The following MYO1C variants were observed in gnomAD, a reference collection of about 807,000 sequenced individuals.
MYO1C encodes unconventional myosin-Ic.
MYO1C carries 104 observed loss-of-function variants against 150.8 expected under a neutral mutation model. The ratio of observed to expected loss-of-function variants is 0.69; its 90% CI spans 0.59 to 0.81. The LOEUF (loss-of-function observed/expected upper bound fraction) is 0.81. MYO1C is among the 30% of genes least tolerant of loss of function. MYO1C has a pLI of 0.00. For synonymous variants in MYO1C, 663 were observed against 579.9 expected, an observed-to-expected ratio of 1.14 and a Z score of -2.06; for missense variants, 1,504 against 1,435.0, an observed-to-expected ratio of 1.05 and a Z score of -0.78.
intron 4 of MYO1C, 120 bp from the exon 5 acceptor site, chr17:1,482,678 T>A: frequency 2.5e-6 from 1 of 403,242 alleles, no homozygotes; most frequent in Non-Finnish European, 4.0e-6. Flanking sequence ...GCCCCTCCCC[T>A]CCCCTCCCGC....
intron 5 of MYO1C, among the ~76,000 whole-genome samples, chr17:1,482,063 T>TA (rs749826080): frequency 7.9e-5 from 12 of 152,090 alleles, no homozygotes; most frequent in Non-Finnish European, 1.6e-4. Context: ...CTATTTTTTT[T>TA]AGAGACAGGG....
intron 17 of MYO1C, among the ~76,000 whole-genome samples, chr17:1,473,655 G>T (rs111469318): frequency 0.068 from 10,419 of 152,108 alleles, 552 homozygotes; most frequent in African/African-American, 0.13. Flanking sequence ...CAGCTCGCTG[G>T]AGCCCTCCCT....
chr17:1,490,689 G>A (rs77478392), intron 1 of MYO1C, among the ~76,000 whole-genome samples: 8,572 of 152,080 alleles, frequency 0.056, 285 homozygotes, highest in Non-Finnish European at 0.073. Context: ...CCATATGCCA[G>A]GCCCATGATT....
chr17:1,472,821 T>A (rs1306755751), intron 17 of MYO1C, among the ~76,000 whole-genome samples: 3 of 149,212 alleles, frequency 2.0e-5, no homozygotes, highest in Non-Finnish European at 4.4e-5. Context: ...GCGGGTGAAG[T>A]GGCTACAGGG....
chr17:1,470,452 C>T lies in MYO1C; in HGVS notation c.2349G>A (p.Ala783=), dbSNP rs371862154. Residue 783 remains alanine, a synonymous_variant, in exon 23 of 32, where the codon GCG becomes GCA. Transcript: ENST00000648651. ...GRRKAAKRKW[A]AQTIRRLIRG... ...GCGCTCACCGCCGGATGGTCTGTGC[C>T]GCCCACTTCCTCTTGGCTGCCTTCC... 424 of 1,550,582 alleles carry T rather than the reference C, an allele frequency of 2.7e-4. 2 individuals are homozygous for T. Among genetic ancestry groups the T allele is most frequent in the South Asian group, 6.3e-4 (53 of 84,094 alleles).
rs781737062 is a variant in MYO1C at position 1,472,040 on chromosome 17, C to G, written c.1904-16G>C. On this transcript the variant is annotated splice_polypyrimidine_tract_variant and intron_variant, in intron 18 of 31. Coordinates refer to ENST00000648651, the MANE Select transcript of MYO1C (RefSeq NM_001080779.2). ...TCAAAGCGGCCTGGGGTAGGGGGAG[C>G]GCCGTGGTCAGCGGGCTGGCGCTGA... The G allele has an allele frequency of 6.2e-7, 1 of 1,613,618 alleles. No homozygotes were observed. The highest frequency in any genetic ancestry group is 8.5e-7 in the Non-Finnish European group (1 of 1,179,746).
rs869242496 is a variant in MYO1C at position 1,474,427 on chromosome 17, CAAAAA to C, written c.1797+178_1797+182del. Among the ~76,000 whole-genome samples, 10 of 85,718 alleles carry C rather than the reference CAAAAA, an allele frequency of 1.2e-4. No individual in the cohort carries two copies. The East Asian group carries it at 2.6e-3, about 23-fold the overall frequency. The allele number at this position is 85,718 out of a possible 152,430, so 56.2% of individuals were successfully genotyped here. ...TGGGCAACAGAGCGAGACCCTGTCT[CAAAAA>C]AAAAAAAAAAAAAAAAAAGTAGGCA... On this transcript the variant is annotated intron_variant, in intron 17 of 31. Transcript: ENST00000648651.
chr17:1,483,644 G>C lies in MYO1C; in HGVS notation c.313C>G (p.Arg105Gly), dbSNP rs781471499. The change falls in exon 3 of 32, where the codon CGT becomes GGT. Residue 105 changes from arginine to glycine, a missense_variant. Transcript: ENST00000648651. Reference protein sequence around the residue: ...IYSRQHMERYRGVSFYEVPPH... With the variant: ...IYSRQHMERYGGVSFYEVPPH... ...GGCACTTCATAGAAGCTGACGCCAC[G>C]GTAACGCTCCATATGCTGCCGGCTG... 1.9e-6 allele frequency: 3 copies of C among 1,612,600 alleles called. No homozygotes were observed. The highest frequency in any genetic ancestry group is 2.5e-6 in the Non-Finnish European group (3 of 1,179,604).
chr17:1,492,350 G>C, intron 1 of MYO1C, 63 bp downstream of exon 1: 2 of 1,517,624 alleles, frequency 1.3e-6, no homozygotes, highest in Non-Finnish European at 1.8e-6. Flanking sequence ...TCGCCTGAGA[G>C]GGGCTGCCCG....
chr17:1,480,536 A>C lies in MYO1C; in HGVS notation c.897T>G (p.Asp299Glu). 6.2e-7 allele frequency: 1 copy of C among 1,613,906 alleles called. No individual in the cohort carries two copies. The highest frequency in any genetic ancestry group is 1.7e-4 in the Middle Eastern group (1 of 6,052). Reference sequence around the variant, plus strand: ...CCGGAAGAGGCCTCACCTCCACTTCATCCTCGGTGAAATCAATGACTGTCA... The same window carrying C: ...CCGGAAGAGGCCTCACCTCCACTTCCTCCTCGGTGAAATCAATGACTGTCA... ...KALTVIDFTEDEVEDLLSIVA... is the reference protein window; with the variant it reads ...KALTVIDFTEEEVEDLLSIVA... The change falls in exon 7 of 32, where the codon GAT (aspartate) becomes GAG (glutamate). Residue 299 changes from aspartate to glutamate, a missense_variant. Asp to Glu is a conservative substitution (Grantham distance 45, BLOSUM62 2). Transcript: ENST00000648651.
intron 1 of MYO1C, chr17:1,484,539 C>T (rs566719783): frequency 1.3e-3 from 774 of 607,476 alleles, no homozygotes; most frequent in Admixed American, 2.1e-3. Context: ...GAGGGATCAC[C>T]GAGGCTGCGG....
chr17:1,474,915 G>A, intron 15 of MYO1C, 23 bp downstream of exon 15: 2 of 1,610,638 alleles, frequency 1.2e-6, no homozygotes, highest in Non-Finnish European at 8.5e-7. Flanking sequence ...GCCCCTGTGG[G>A]GACACAGCCC....
Position 1,464,565 on chromosome 17 carries a change from T to G in MYO1C, c.*1161A>C, listed in dbSNP as rs1032567246. The G allele has an allele frequency of 1.4e-4, 21 of 152,676 alleles. No individual in the cohort carries two copies. Among genetic ancestry groups the G allele is most frequent in the Admixed American group, 1.0e-3 (16 of 15,276 alleles). 9.5% of individuals were successfully genotyped at this position (152,676 alleles called of 1,614,324 possible). A position where few individuals can be genotyped will look rare whatever the true frequency, so the allele number is the denominator to read the frequency against. ...CTCTTAAGACATGATGTGGGTTTTA[T>G]GGGGCTCCCTGGCTCTGGGAGTGGC... On this transcript the variant is annotated 3_prime_UTR_variant, in exon 32 of 32. Coordinates refer to ENST00000648651, the MANE Select transcript of MYO1C (RefSeq NM_001080779.2).
In MYO1C at chr17:1,478,149, G is replaced by A; in HGVS notation, c.1339C>T (p.Gln447Ter). The A allele has an allele frequency of 6.2e-7, 1 of 1,614,100 alleles. No individual in the cohort carries two copies. The highest frequency in any genetic ancestry group is 8.5e-7 in the Non-Finnish European group (1 of 1,180,044). ...CINYCNEKLQ[Q>*]LFIELTLKSE... ...TTGAGCGTGAGCTCGATGAAGAGCT[G>A]CTGCAGCTTCTCGTTGCAGTAATTG... The change falls in exon 12 of 32, where the codon CAG (glutamine) becomes TAG (stop). Residue 447 changes from glutamine (Q) to a stop codon, truncating the protein, a stop_gained. Coordinates refer to ENST00000648651, the MANE Select transcript of MYO1C (RefSeq NM_001080779.2). LOFTEE classifies it high-confidence loss of function. The surrounding 1 kb of genome is among the most constrained non-coding windows in gnomAD (Gnocchi z 6.3).
At chr17:1,480,049 G>A (rs1180050217) in intron 7 of MYO1C, among the ~76,000 whole-genome samples, 5 of 150,606 alleles carry the variant, frequency 3.3e-5, no homozygotes, top group African/African-American at 4.9e-5. Context: ...AGGAGGCTGA[G>A]GCATGAGAAT....
intron 1 of MYO1C, chr17:1,491,746 C>G (rs1435613227): frequency 7.4e-6 from 5 of 675,564 alleles, no homozygotes; most frequent in Non-Finnish European, 9.1e-6. Context: ...CGCGCACCCT[C>G]CGGCCCCGCC....
chr17:1,485,792 AG>A, intron 1 of MYO1C: 1 of 710,862 alleles, frequency 1.4e-6, no homozygotes, highest in African/African-American at 1.9e-5. Flanking sequence ...GGCGTCAGCG[AG>A]GGAGGGCCCG....
Position 1,483,916 on chromosome 17 carries a change from C to G in MYO1C, c.232-191G>C, listed in dbSNP as rs45553633. ...AATTAGCCGGGCGTGGTGGCGGGTG[C>G]CTGTAATCCCAGCTACTCGGGAGGC... On this transcript the variant is annotated intron_variant, in intron 2 of 31. Transcript: ENST00000648651. Among the ~76,000 whole-genome samples the G allele has an allele frequency of 7.0e-3, 1,067 of 152,134 alleles. 12 individuals carry two copies. The highest frequency in any genetic ancestry group is 0.018 in the African/African-American group (736 of 41,470).
chr17:1,483,512 C>A, intron 3 of MYO1C, 98 bp downstream of exon 3: 1 of 869,224 alleles, frequency 1.2e-6, no homozygotes, highest in South Asian at 1.5e-5. Context: ...AGATGTGGCG[C>A]GGGACGCCAG....
Sources: allele counts gnomAD v4.1 joint callset (sites outside exome capture counted in the v4.1 genomes callset), GRCh38; gene constraint gnomAD v4.1.1; non-coding constraint Gnocchi (gnomAD v3.1); transcripts MANE v1.5; gene names NCBI Gene and HGNC (gene_info 2026-07-23, HGNC 2026-07-21).